CCDC163: variants seen among roughly 807,000 people sequenced by gnomAD.
The protein encoded by CCDC163 is transmembrane protein CCDC163.
Under a neutral mutation model 8.2 loss-of-function variants are expected in CCDC163, and 13 were observed. The observed-to-expected ratio is 1.59, with a 90% CI of 1.04 to 2.54. The LOEUF (loss-of-function observed/expected upper bound fraction) is 2.54. Among genes scored for constraint, CCDC163 ranks in the 30% most tolerant of loss-of-function variants. CCDC163 has a pLI of 0.00. For missense variants in CCDC163, 117 were observed against 78.6 expected, an observed-to-expected ratio of 1.49 and a Z score of -1.85; for synonymous variants, 41 against 30.9, an observed-to-expected ratio of 1.33 and a Z score of -1.08.
chr1:45,497,166 C>T (rs892951423), intron 3 of CCDC163, 133 bp downstream of exon 3: 6 of 540,656 alleles, frequency 1.1e-5, no homozygotes, highest in Admixed American at 3.1e-5. Context: ...GGCAACAGAG[C>T]GAGGCTGGGC....
chr1:45,497,528 G>A lies in CCDC163; in HGVS notation c.178-145C>T, dbSNP rs74227021. The A allele has an allele frequency of 6.8e-4, 380 of 556,062 alleles. 3 individuals are homozygous for A. The East Asian group carries it at 9.3e-3, about 14-fold the overall frequency. 34.4% of individuals were successfully genotyped at this position (556,062 alleles called of 1,614,324 possible). On this transcript the variant is annotated intron_variant, in intron 2 of 4. Transcript: ENST00000629482. The stretch of plus-strand genomic sequence containing the variant: ...TCAAGAAGGCAAGGCCGCACTCAGT[G>A]CTCAATGGCGCCCAGGCTGGAGTGC...
rs1465223983 is a variant in CCDC163, at chr1:45,495,092, C to T, written c.405G>A (p.Arg135=). The T allele has an allele frequency of 1.3e-6, 1 of 780,676 alleles. No individual in the cohort carries two copies. Among genetic ancestry groups the T allele is most frequent in the African/African-American group, 1.7e-5 (1 of 59,082 alleles). The allele number at this position is 780,676 out of a possible 1,614,324, so 48.4% of individuals were successfully genotyped here. Reference sequence around the variant, plus strand: ...ATTTTGGGGCCCCAAAGGAATAGGTCCTCTTGCTTAAGACTCTGGGCATGG... The same window carrying T: ...ATTTTGGGGCCCCAAAGGAATAGGTTCTCTTGCTTAAGACTCTGGGCATGG... ...FSSMPRVLSK[R]TYSFGAPKCS Residue 135 remains arginine, a synonymous_variant, in exon 5 of 5, where the codon AGG becomes AGA. Transcript: ENST00000629482.
At chr1:45,499,482 G>A (rs974687736) in intron 1 of CCDC163, 39 bp from the exon 2 acceptor site, 5 of 776,946 alleles carry the variant, frequency 6.4e-6, no homozygotes, top group Non-Finnish European at 1.2e-5. Context: ...TGAACTCTGA[G>A]AGTCCCTTAG....
intron 2 of CCDC163, among the ~76,000 whole-genome samples, chr1:45,497,818 C>T (rs61788330): frequency 3.4e-5 from 5 of 146,684 alleles, no homozygotes; most frequent in Admixed American, 6.8e-5. Flanking sequence ...TGCCTCTGCC[C>T]GGCCACCCCT....
intron 2 of CCDC163, 73 bp from the exon 3 acceptor site, chr1:45,497,456 G>A: frequency 1.4e-6 from 1 of 713,386 alleles, no homozygotes; most frequent in Admixed American, 2.0e-5. Flanking sequence ...TCTTAGAGAG[G>A]ATGATCCCCA....
At position 45,499,872 on chromosome 1, in the gene CCDC163, G is replaced by A; in HGVS notation, c.-263C>T. On this transcript the variant is annotated 5_prime_UTR_variant, in exon 1 of 5. Coordinates refer to ENST00000629482, the MANE Select transcript of CCDC163 (RefSeq NM_001102601.3). The stretch of plus-strand genomic sequence containing the variant: ...CGCAGATATCAGGTGGGGATTGAAG[G>A]TGCCAGAACCTGGTTGAGACCTCCC... The A allele has an allele frequency of 1.3e-5, 7 of 532,638 alleles. No homozygotes were observed. In the South Asian group the frequency reaches 1.4e-4, roughly 11 times the overall value. The allele number at this position is 532,638 out of a possible 1,614,324, so 33.0% of individuals were successfully genotyped here. A position where few individuals can be genotyped will look rare whatever the true frequency, so the allele number is the denominator to read the frequency against.
At chr1:45,499,279 G>A in intron 2 of CCDC163, 66 bp downstream of exon 2, 1 of 723,958 alleles carries the variant, frequency 1.4e-6, no homozygotes, top group Non-Finnish European at 2.6e-6. Flanking sequence ...AATAATGGAT[G>A]ATACGGGCAC....
intron 2 of CCDC163, among the ~76,000 whole-genome samples, chr1:45,497,920 C>T (rs1372754790): frequency 6.8e-6 from 1 of 146,618 alleles, no homozygotes; most frequent in African/African-American, 2.5e-5. Flanking sequence ...ATGACAATGG[C>T]GGCTTTGTGG....
At chr1:45,496,383 C>G (rs1187890990) in intron 4 of CCDC163, 173 bp downstream of exon 4, 5 of 695,206 alleles carry the variant, frequency 7.2e-6, no homozygotes, top group Non-Finnish European at 5.3e-6. Flanking sequence ...TGGCCGGGAG[C>G]AGAAAGGTTA....
At position 45,494,369 on chromosome 1, in the gene CCDC163, T is replaced by C. The variant is rs575171888; in HGVS notation, c.*690A>G. 3.1e-4 allele frequency: 46 copies of C among 150,154 alleles called. No homozygotes were observed. The highest frequency in any genetic ancestry group is 1.1e-3 in the African/African-American group (45 of 40,428). The allele number at this position is 150,154 out of a possible 1,614,324, so 9.3% of individuals were successfully genotyped here. Reference sequence around the variant, plus strand: ...TATATTATTACTTGGGGGGCTAAGGTGGGAGGATTGCTTTAGTACAGGAAG... The same window carrying C: ...TATATTATTACTTGGGGGGCTAAGGCGGGAGGATTGCTTTAGTACAGGAAG... On this transcript the variant is annotated 3_prime_UTR_variant, in exon 5 of 5. Coordinates refer to ENST00000629482, the MANE Select transcript of CCDC163 (RefSeq NM_001102601.3).
At chr1:45,496,655 TC>T (rs1654173847) in intron 3 of CCDC163, 32 bp from the exon 4 acceptor site, 2 of 765,562 alleles carry the variant, frequency 2.6e-6, no homozygotes, top group East Asian at 4.9e-5. Flanking sequence ...AGGGGGCTGT[TC>T]CCCAACTTCT....
At chr1:45,496,378 G>T in intron 4 of CCDC163, 178 bp downstream of exon 4, 1 of 693,100 alleles carries the variant, frequency 1.4e-6, no homozygotes, top group Admixed American at 2.0e-5. Flanking sequence ...TCTCATGGCC[G>T]GGAGCAGAAA....
Position 45,499,668 on chromosome 1 carries a change from T to C in CCDC163, c.-59A>G, listed in dbSNP as rs7546268. 516,464 of 719,784 alleles carry C rather than the reference T, an allele frequency of 0.72. 187,826 individuals carry two copies. The highest frequency in any genetic ancestry group is 0.95 in the East Asian group (35,819 of 37,734). The allele number at this position is 719,784 out of a possible 1,614,324, so 44.6% of individuals were successfully genotyped here. A position where few individuals can be genotyped will look rare whatever the true frequency, so the allele number is the denominator to read the frequency against. On this transcript the variant is annotated 5_prime_UTR_variant, in exon 1 of 5. Coordinates refer to ENST00000629482, the MANE Select transcript of CCDC163 (RefSeq NM_001102601.3). ...CCCTGGTGTCTTGTGCTTGCTCTCC[T>C]AGCGGGGGATACCCAAGGTATCCCC...
At position 45,495,030 on chromosome 1, in the gene CCDC163, A is replaced by C; in HGVS notation, c.*29T>G. On this transcript the variant is annotated 3_prime_UTR_variant, in exon 5 of 5. Transcript: ENST00000629482. ...GGGTGGGCAAAGAAGCCTTCATCCT[A>C]CTATTCTTAACGAGTCCTTACAGGT... The C allele has an allele frequency of 1.3e-6, 1 of 780,724 alleles. No homozygotes were observed. Among genetic ancestry groups the C allele is most frequent in the Non-Finnish European group, 2.4e-6 (1 of 417,940 alleles). 48.4% of individuals were successfully genotyped at this position (780,724 alleles called of 1,614,324 possible). A position where few individuals can be genotyped will look rare whatever the true frequency, so the allele number is the denominator to read the frequency against.
At chr1:45,498,430 G>C in intron 2 of CCDC163, 1 of 146,244 alleles carries the variant, frequency 6.8e-6, no homozygotes, top group Non-Finnish European at 1.5e-5. Flanking sequence ...GCAAGGTCTT[G>C]ACTATCCCTT....
chr1:45,497,839 G>C, intron 2 of CCDC163, among the ~76,000 whole-genome samples: 1 of 147,074 alleles, frequency 6.8e-6, no homozygotes. Context: ...ACTGGGAAGT[G>C]AGGAGCCCCT....
chr1:45,495,165 A>G lies in CCDC163; in HGVS notation c.332T>C (p.Ile111Thr), dbSNP rs147312234. The G allele has an allele frequency of 2.6e-6, 2 of 780,792 alleles. No individual in the cohort carries two copies. Among genetic ancestry groups the G allele is most frequent in the East Asian group, 4.8e-5 (2 of 41,248 alleles). The allele number at this position is 780,792 out of a possible 1,614,324, so 48.4% of individuals were successfully genotyped here. The change falls in exon 5 of 5, where the codon ATC (isoleucine) becomes ACC (threonine). Residue 111 changes from isoleucine (I) to threonine (T), a missense_variant and splice_region_variant. Ile to Thr is a moderately conservative substitution (Grantham distance 89). Coordinates refer to ENST00000629482, the MANE Select transcript of CCDC163 (RefSeq NM_001102601.3). ...GRQAQVGSWKIPRGAPFLTWS... is the reference protein window; with the variant it reads ...GRQAQVGSWKTPRGAPFLTWS... ...GGTTAGAAAGGGTGCTCCTCTGGGGATCTAAGAGGAAAGAAAAGGGAAGAG... is the reference window on the plus strand; with the variant it reads ...GGTTAGAAAGGGTGCTCCTCTGGGGGTCTAAGAGGAAAGAAAAGGGAAGAG...
chr1:45,495,556 GA>G lies in CCDC163; in HGVS notation c.331-391del. Reference sequence around the variant, plus strand: ...ACATGAATGGAGATCCTGGAAAGGGGAACAGAACCAGAAACAGAGAAGATAA... The same window carrying G: ...ACATGAATGGAGATCCTGGAAAGGGGACAGAACCAGAAACAGAGAAGATAA... On this transcript the variant is annotated intron_variant, in intron 4 of 4. Coordinates refer to ENST00000629482, the MANE Select transcript of CCDC163 (RefSeq NM_001102601.3). 3 of 702,146 alleles carry G rather than the reference GA, an allele frequency of 4.3e-6. No homozygotes were observed. In the South Asian group the frequency reaches 4.4e-5, roughly 10 times the overall value. The allele number at this position is 702,146 out of a possible 1,614,324, so 43.5% of individuals were successfully genotyped here. A position where few individuals can be genotyped will look rare whatever the true frequency, so the allele number is the denominator to read the frequency against.
intron 2 of CCDC163, 139 bp from the exon 3 acceptor site, chr1:45,497,522 C>T: frequency 8.7e-6 from 5 of 575,464 alleles, no homozygotes; most frequent in Non-Finnish European, 1.6e-5. Context: ...CAAGGCCGCA[C>T]TCAGTGCTCA....
Sources: allele counts gnomAD v4.1 joint callset (sites outside exome capture counted in the v4.1 genomes callset), GRCh38; gene constraint gnomAD v4.1.1; transcripts MANE v1.5; gene names NCBI Gene and HGNC (gene_info 2026-07-23, HGNC 2026-07-21).